The following FERMT1 variants were observed in gnomAD, a reference collection of about 807,000 sequenced individuals.
FERMT1 encodes fermitin family homolog 1.
In FERMT1, 60 loss-of-function variants were observed where a neutral mutation model predicts 85.3. The ratio of observed to expected loss-of-function variants is 0.70; its 90% CI spans 0.57 to 0.87. The LOEUF is 0.87. FERMT1 is among the 40% of genes least tolerant of loss of function. The pLI, the probability that FERMT1 is intolerant of heterozygous loss-of-function variation, is 0.00. For synonymous variants in FERMT1, 275 were observed against 301.1 expected (o/e 0.91, Z 0.90); for missense variants, 701 against 818.9 (o/e 0.86, Z 1.76).
intron 6 of FERMT1, among the ~76,000 whole-genome samples, chr20:6,100,950 ATAATT>A (rs1445286189): frequency 6.6e-5 from 10 of 152,336 alleles, no homozygotes; most frequent in African/African-American, 2.4e-4. Flanking sequence ...AAACATATAA[ATAATT>A]TAATAGAGTT....
chr20:6,089,391 C>T (rs575485797), intron 9 of FERMT1, among the ~76,000 whole-genome samples: 7 of 152,234 alleles, frequency 4.6e-5, no homozygotes, highest in South Asian at 2.1e-4. Context: ...TGGGGACCGT[C>T]GTAGTCTGGG....
At chr20:6,109,462 G>C (rs938973375) in intron 5 of FERMT1, among the ~76,000 whole-genome samples, 19 of 152,216 alleles carry the variant, frequency 1.2e-4, no homozygotes, top group African/African-American at 3.9e-4. Context: ...GATCTTCTAG[G>C]AAGGTGAATG....
intron 9 of FERMT1, among the ~76,000 whole-genome samples, chr20:6,092,450 G>A (rs1982394932): frequency 6.6e-6 from 1 of 152,116 alleles, no homozygotes; most frequent in Admixed American, 6.5e-5. Context: ...GGTTGAGGTG[G>A]GAGGACCGCT....
chr20:6,108,540 G>A (rs1228577291), intron 5 of FERMT1, among the ~76,000 whole-genome samples: 3 of 151,986 alleles, frequency 2.0e-5, no homozygotes, highest in African/African-American at 7.2e-5. Context: ...CAGGGTGCGG[G>A]GACTCATACC....
chr20:6,077,469 T>C (rs1453456665), intron 14 of FERMT1, 123 bp from the exon 15 acceptor site: 1 of 861,546 alleles, frequency 1.2e-6, no homozygotes, highest in Non-Finnish European at 1.9e-6. Flanking sequence ...GATATCCCTC[T>C]AAAACACACA....
chr20:6,075,673 C>T lies in FERMT1; in HGVS notation c.*1500G>A, dbSNP rs1003522102. On this transcript the variant is annotated 3_prime_UTR_variant, in exon 15 of 15. Coordinates refer to ENST00000217289, the MANE Select transcript of FERMT1 (RefSeq NM_017671.5). Reference sequence around the variant, plus strand: ...TGCTGAGGTCTCACTTCTCAGAGGGCTTTGATGGAAAATAAAGCAACAGCT... The same window carrying T: ...TGCTGAGGTCTCACTTCTCAGAGGGTTTTGATGGAAAATAAAGCAACAGCT... 4 of 152,258 alleles carry T rather than the reference C, an allele frequency of 2.6e-5. No homozygotes were observed. The highest frequency in any genetic ancestry group is 5.9e-5 in the Non-Finnish European group (4 of 68,052). The allele number at this position is 152,258 out of a possible 1,614,324, so 9.4% of individuals were successfully genotyped here.
At chr20:6,090,401 T>C (rs539463862) in intron 9 of FERMT1, among the ~76,000 whole-genome samples, 2 of 152,100 alleles carry the variant, frequency 1.3e-5, no homozygotes, top group South Asian at 2.1e-4. Context: ...ATGTCAGTAC[T>C]AGTCTTTCCT....
intron 6 of FERMT1, among the ~76,000 whole-genome samples, chr20:6,098,923 G>A (rs968671103): frequency 6.6e-6 from 1 of 152,200 alleles, no homozygotes; most frequent in Non-Finnish European, 1.5e-5. Flanking sequence ...GTTAAACATA[G>A]AATATAATCC....
In FERMT1 at chr20:6,076,342, G is replaced by T; in HGVS notation, c.*831C>A. On this transcript the variant is annotated 3_prime_UTR_variant, in exon 15 of 15. Coordinates refer to ENST00000217289, the MANE Select transcript of FERMT1 (RefSeq NM_017671.5). ...CAGAGAGGACTGTGCCTGTCTTCCT[G>T]AATCCCAACCCAGAGTAGAAGCAGT... 2 of 448,110 alleles carry T rather than the reference G, an allele frequency of 4.5e-6. No homozygotes were observed. The highest frequency in any genetic ancestry group is 8.9e-6 in the Non-Finnish European group (2 of 223,594). The allele number at this position is 448,110 out of a possible 1,614,324, so 27.8% of individuals were successfully genotyped here.
intron 9 of FERMT1, among the ~76,000 whole-genome samples, chr20:6,090,918 C>T (rs564303535): frequency 6.6e-6 from 1 of 151,936 alleles, no homozygotes; most frequent in African/African-American, 2.4e-5. Context: ...AATCCCAGCA[C>T]TTTGGGAGGC....
At position 6,094,956 on chromosome 20, in the gene FERMT1, A is replaced by T. The variant is rs1364035457; in HGVS notation, c.1122T>A (p.Asp374Glu). 6.5e-7 allele frequency: 1 copy of T among 1,532,658 alleles called. No homozygotes were observed. Among genetic ancestry groups the T allele is most frequent in the Non-Finnish European group, 9.0e-7 (1 of 1,105,760 alleles). The allele number at this position is 1,532,658 out of a possible 1,614,324, so 94.9% of individuals were successfully genotyped here. Reference protein sequence around the residue: ...EDITDIPKLADNLKLFRPKKL... With the variant: ...EDITDIPKLAENLKLFRPKKL... ...TTACTTACCTAAATAATTTGAGATT[A>T]TCTGCAAGTTTAGGGATATCAGTAA... Residue 374 changes from aspartate (D) to glutamate (E), a missense_variant, in exon 9 of 15, where the codon GAT (aspartate) becomes GAA (glutamate). Coordinates refer to ENST00000217289, the MANE Select transcript of FERMT1 (RefSeq NM_017671.5).
intron 9 of FERMT1, among the ~76,000 whole-genome samples, chr20:6,092,504 C>T (rs1982395909): frequency 6.6e-6 from 1 of 152,030 alleles, no homozygotes; most frequent in African/African-American, 2.4e-5. Flanking sequence ...GATCACGTCA[C>T]TGCACTCCAT....
intron 13 of FERMT1, among the ~76,000 whole-genome samples, chr20:6,082,107 A>G (rs1982013395): frequency 6.6e-6 from 1 of 152,146 alleles, no homozygotes; most frequent in African/African-American, 2.4e-5. Context: ...ACCTTGGAAA[A>G]AGCAGATCTT....
intron 8 of FERMT1, 54 bp downstream of exon 8, chr20:6,096,848 T>G: frequency 2.0e-6 from 3 of 1,519,890 alleles, no homozygotes; most frequent in Non-Finnish European, 1.8e-6. Context: ...AGTTCATTTA[T>G]ACTTGTCAAT....
intron 2 of FERMT1, among the ~76,000 whole-genome samples, chr20:6,118,174 C>T (rs909628286): frequency 6.6e-6 from 1 of 152,126 alleles, no homozygotes; most frequent in African/African-American, 2.4e-5. Flanking sequence ...ATAATTGTGG[C>T]ATATTCATAC....
chr20:6,120,883 A>G (rs1312845623), intron 1 of FERMT1, among the ~76,000 whole-genome samples: 1 of 152,188 alleles, frequency 6.6e-6, no homozygotes, highest in Non-Finnish European at 1.5e-5. Context: ...ACCTATTTAG[A>G]TCAATATTAA....
At chr20:6,093,138 C>T (rs189838690) in intron 9 of FERMT1, among the ~76,000 whole-genome samples, 35 of 152,112 alleles carry the variant, frequency 2.3e-4, no homozygotes, top group African/African-American at 8.2e-4. Context: ...GTTCAATGCT[C>T]TTAGTACTGA....
At chr20:6,103,235 G>A (rs1982708510) in intron 6 of FERMT1, among the ~76,000 whole-genome samples, 2 of 152,060 alleles carry the variant, frequency 1.3e-5, no homozygotes, top group Non-Finnish European at 2.9e-5. Context: ...AATGCACCTG[G>A]AGTCTGTTTC....
chr20:6,100,159 C>A lies in FERMT1; in HGVS notation c.850-2528G>T, dbSNP rs556473075. ...CAAATGTATACATGAATATTCATGG[C>A]AGTATTATTCATAATAGTCAAACAG... On this transcript the variant is annotated intron_variant, in intron 6 of 14. Transcript: ENST00000217289. 3.3e-5 allele frequency among the ~76,000 whole-genome samples: 5 copies of A among 152,056 alleles called. No individual in the cohort carries two copies. In the South Asian group the frequency reaches 6.2e-4, roughly 19 times the overall value.
Sources: gnomAD v4.1 joint callset for allele counts (sites outside exome capture counted in the v4.1 genomes callset) on GRCh38, gnomAD v4.1.1 for gene constraint, MANE v1.5 for transcripts, NCBI Gene and HGNC (gene_info 2026-07-23, HGNC 2026-07-21) for gene names.